Variants in SYT13 observed in about 807,000 individuals in gnomAD.
The protein encoded by SYT13 is synaptotagmin-13.
SYT13 carries 21 observed loss-of-function variants against 38.6 expected under a neutral mutation model. The observed-to-expected ratio is 0.54, with a 90% CI of 0.39 to 0.78. SYT13 has a LOEUF of 0.78. SYT13 is among the 30% of genes least tolerant of loss of function. The pLI is 0.00. For synonymous variants in SYT13, 241 were observed against 237.6 expected (o/e 1.01, Z -0.13); for missense variants, 495 against 548.7 (o/e 0.90, Z 0.98).
At chr11:45,250,983 G>A (rs1478432733) in intron 4 of SYT13, among the ~76,000 whole-genome samples, 2 of 152,090 alleles carry the variant, frequency 1.3e-5, no homozygotes, top group African/African-American at 4.8e-5. Flanking sequence ...CTATGACCCT[G>A]TTTCCTCATC....
Position 45,246,503 on chromosome 11 carries a change from C to T in SYT13, c.856G>A (p.Ala286Thr). 1 of 1,613,996 alleles carries T rather than the reference C, an allele frequency of 6.2e-7. No homozygotes were observed. Among genetic ancestry groups the T allele is most frequent in the Non-Finnish European group, 8.5e-7 (1 of 1,179,952 alleles). Residue 286 changes from alanine (A) to threonine (T), a missense_variant, in exon 5 of 6, where the codon GCA becomes ACA. Ala to Thr is a moderately conservative substitution (Grantham distance 58, BLOSUM62 0). Transcript: ENST00000020926. ...ELKTSAKEPS[A>T]GAGEVLLSIS... ...GATAGTAGGACCTCTCCAGCTCCTG[C>T]AGATGGCTCCTGAAACAGAAAAGGA...
chr11:45,250,720 G>A (rs1854663798), intron 4 of SYT13, among the ~76,000 whole-genome samples: 1 of 152,108 alleles, frequency 6.6e-6, no homozygotes. Flanking sequence ...ACAATTTTCT[G>A]AGCCTGGGAA....
At position 45,243,796 on chromosome 11, in the gene SYT13, A is replaced by T; in HGVS notation, c.*256T>A. On this transcript the variant is annotated 3_prime_UTR_variant, in exon 6 of 6. Coordinates refer to ENST00000020926, the MANE Select transcript of SYT13 (RefSeq NM_020826.3). The stretch of plus-strand genomic sequence containing the variant: ...CTAACCCCACCTATAAAACAGGCAT[A>T]GGAACTGTATTTAATAAGCACCTCC... 2.2e-6 allele frequency: 1 copy of T among 447,822 alleles called. No homozygotes were observed. Among genetic ancestry groups the T allele is most frequent in the Non-Finnish European group, 3.9e-6 (1 of 253,884 alleles). 27.7% of individuals were successfully genotyped at this position (447,822 alleles called of 1,614,324 possible).
intron 1 of SYT13, among the ~76,000 whole-genome samples, chr11:45,273,237 A>C (rs1854971502): frequency 6.6e-6 from 1 of 152,192 alleles, no homozygotes; most frequent in Non-Finnish European, 1.5e-5. Context: ...GGTCACTGGA[A>C]ACAGGACAGG....
At position 45,252,124 on chromosome 11, in the gene SYT13, T is replaced by C. The variant is rs1024295901; in HGVS notation, c.846+297A>G. ...TATAACTGGATTGAAATGGGGACAG[T>C]ACTTCATAGCAGTAAAGGTAATACA... On this transcript the variant is annotated intron_variant, in intron 4 of 5. Coordinates refer to ENST00000020926, the MANE Select transcript of SYT13 (RefSeq NM_020826.3). The surrounding 1 kb of genome is among the most constrained non-coding windows in gnomAD (Gnocchi z 4.3). Among the ~76,000 whole-genome samples the C allele has an allele frequency of 3.9e-5, 6 of 152,190 alleles. No individual in the cohort carries two copies. Among genetic ancestry groups the C allele is most frequent in the African/African-American group, 1.4e-4 (6 of 41,458 alleles).
intron 1 of SYT13, among the ~76,000 whole-genome samples, chr11:45,264,335 C>T (rs976816936): frequency 5.3e-5 from 8 of 152,166 alleles, no homozygotes; most frequent in African/African-American, 1.7e-4. Flanking sequence ...TTCGAATGAA[C>T]AGATTATGCA....
intron 2 of SYT13, 99 bp from the exon 3 acceptor site, chr11:45,254,503 C>T (rs1854718763): frequency 6.7e-7 from 1 of 1,494,422 alleles, no homozygotes; most frequent in South Asian, 1.4e-5. Context: ...GGAACCCAAA[C>T]CCAAGTCTTC....
At chr11:45,255,188 G>A (rs1854729316) in intron 2 of SYT13, among the ~76,000 whole-genome samples, 1 of 152,008 alleles carries the variant, frequency 6.6e-6, no homozygotes, top group East Asian at 1.9e-4. Flanking sequence ...TACCTCCTTT[G>A]TGCCAGGCTC....
chr11:45,253,242 G>A (rs1854700962), intron 3 of SYT13, among the ~76,000 whole-genome samples: 1 of 152,210 alleles, frequency 6.6e-6, no homozygotes, highest in South Asian at 2.1e-4. Context: ...GCTCTTCAGG[G>A]ATCGTTTGGA....
chr11:45,243,632 C>T lies in SYT13; in HGVS notation c.*420G>A, dbSNP rs1854579178. 2 of 157,670 alleles carry T rather than the reference C, an allele frequency of 1.3e-5. No individual in the cohort carries two copies. 9.8% of individuals were successfully genotyped at this position (157,670 alleles called of 1,614,324 possible). A position where few individuals can be genotyped will look rare whatever the true frequency, so the allele number is the denominator to read the frequency against. ...TTGAACGCTGGCTAAGGTTTCTTTC[C>T]ACCTGGGCAATCTCTAACTCTAGGA... On this transcript the variant is annotated 3_prime_UTR_variant, in exon 6 of 6. Transcript: ENST00000020926.
rs1252052667 is a variant in SYT13, at chr11:45,252,744, C to G, written c.545-22G>C. 15 of 1,545,744 alleles carry G rather than the reference C, an allele frequency of 9.7e-6. No homozygotes were observed. In the South Asian group the frequency reaches 1.9e-4, roughly 19 times the overall value. ...ACAGCTGCAGGCAAGGAGAACAACA[C>G]AGGCGTGGGACTTTCTGAGGACAAG... On this transcript the variant is annotated intron_variant, in intron 3 of 5. Transcript: ENST00000020926. This position sits in a 1 kb window ranked among gnomAD's most constrained non-coding sequence, Gnocchi z 4.3.
At chr11:45,270,507 A>G (rs1270404012) in intron 1 of SYT13, among the ~76,000 whole-genome samples, 1 of 152,212 alleles carries the variant, frequency 6.6e-6, no homozygotes, top group Non-Finnish European at 1.5e-5. Flanking sequence ...AACTGCTATA[A>G]CCATTATTGT....
chr11:45,258,751 G>C (rs1854778009), intron 1 of SYT13, among the ~76,000 whole-genome samples: 1 of 152,092 alleles, frequency 6.6e-6, no homozygotes, highest in South Asian at 2.1e-4. Flanking sequence ...AAGAGAGGGG[G>C]ATTTGGAAGG....
chr11:45,254,280 A>C lies in SYT13; in HGVS notation c.534T>G (p.Thr178=), dbSNP rs200986006. 22 of 1,611,342 alleles carry C rather than the reference A, an allele frequency of 1.4e-5. No individual in the cohort carries two copies. The Admixed American group carries it at 3.5e-4, about 26-fold the overall frequency. ...AAATAAGAGCCATACCTTCCAGGCG[A>C]GTCACAAACAATTCTGCCTTCTGAC... is the stretch of plus-strand genomic sequence containing the variant. ...YDCQKAELFV[T]RLEAVTSNHD... The change falls in exon 3 of 6, where the codon ACT becomes ACG. Residue 178 remains threonine (T), a synonymous_variant. Transcript: ENST00000020926.
intron 4 of SYT13, among the ~76,000 whole-genome samples, chr11:45,246,813 C>T (rs966845755): frequency 1.3e-5 from 2 of 152,144 alleles, no homozygotes; most frequent in Non-Finnish European, 2.9e-5. Context: ...AATGCAGCAG[C>T]GGGGAGGAGG....
At chr11:45,279,374 G>A (rs972147994) in intron 1 of SYT13, among the ~76,000 whole-genome samples, 1 of 152,192 alleles carries the variant, frequency 6.6e-6, no homozygotes, top group African/African-American at 2.4e-5. Context: ...CTGAGCCCAA[G>A]AGTGCAAGAC....
intron 1 of SYT13, among the ~76,000 whole-genome samples, chr11:45,257,857 A>G (rs2135894761): frequency 6.6e-6 from 1 of 152,298 alleles, no homozygotes; most frequent in African/African-American, 2.4e-5. Flanking sequence ...TTGGACAACC[A>G]CTTCCTGCCC....
intron 1 of SYT13, among the ~76,000 whole-genome samples, chr11:45,272,957 A>G (rs1854968297): frequency 6.6e-6 from 1 of 152,224 alleles, no homozygotes; most frequent in Non-Finnish European, 1.5e-5. Context: ...TCATTGGCAC[A>G]CTTCCTCTGA....
At chr11:45,254,904 A>G (rs965853781) in intron 2 of SYT13, among the ~76,000 whole-genome samples, 2 of 152,122 alleles carry the variant, frequency 1.3e-5, no homozygotes, top group Admixed American at 1.3e-4. Context: ...ACTTGAGCCC[A>G]GGAATTTGAG....
Sources: gnomAD v4.1 joint callset for allele counts (sites outside exome capture counted in the v4.1 genomes callset) on GRCh38, gnomAD v4.1.1 for gene constraint, Gnocchi (gnomAD v3.1) non-coding constraint, MANE v1.5 for transcripts, NCBI Gene and HGNC (gene_info 2026-07-23, HGNC 2026-07-21) for gene names.